The following ABCB5 variants were observed in gnomAD, a reference collection of about 807,000 sequenced individuals.
ABCB5 encodes the protein ATP-binding cassette sub-family B member 5.
In ABCB5, 155 loss-of-function variants were observed where a neutral mutation model predicts 144.2. The observed-to-expected ratio is 1.08, with a 90% CI of 0.94 to 1.23. The LOEUF (loss-of-function observed/expected upper bound fraction) is 1.23. ABCB5 is among the 50% of genes most tolerant of loss of function. ABCB5 has a pLI of 0.00. For missense variants in ABCB5, 1,830 were observed against 1,520.8 expected (o/e 1.20, Z -3.38); for synonymous variants, 610 against 528.6 (o/e 1.15, Z -2.11).
chr7:20,752,780 A>T (rs1782971337), intron 26 of ABCB5, among the ~76,000 whole-genome samples: 1 of 152,212 alleles, frequency 6.6e-6, no homozygotes, highest in African/African-American at 2.4e-5. Flanking sequence ...CGGGAGGCGG[A>T]GGTTGCAGTG....
intron 26 of ABCB5, among the ~76,000 whole-genome samples, chr7:20,749,214 CT>C (rs1159334086): frequency 1.4e-5 from 2 of 138,236 alleles, no homozygotes; most frequent in East Asian, 2.2e-4. Context: ...CCCTCCCTCC[CT>C]CCCCCTCTCT....
In ABCB5 at chr7:20,674,137, A is replaced by T. The variant is rs897171723; in HGVS notation, c.1708-7368A>T. Among the ~76,000 whole-genome samples, 4 of 152,100 alleles carry T rather than the reference A, an allele frequency of 2.6e-5. No homozygotes were observed. In the South Asian group the frequency reaches 6.2e-4, roughly 24 times the overall value. ...AACTCCATGCCACATTGTAACTTTT[A>T]AAATTAATCATTAGTTTTTAAAAAA... is the stretch of plus-strand genomic sequence containing the variant. On this transcript the variant is annotated intron_variant, in intron 14 of 27. Coordinates refer to ENST00000404938, the MANE Select transcript of ABCB5 (RefSeq NM_001163941.2).
chr7:20,755,467 C>T lies in ABCB5; in HGVS notation c.3617C>T (p.Thr1206Ile). The T allele has an allele frequency of 1.2e-6, 2 of 1,614,178 alleles. No homozygotes were observed. The highest frequency in any genetic ancestry group is 1.7e-6 in the Non-Finnish European group (2 of 1,180,036). The change falls in exon 28 of 28, where the codon ACA becomes ATA. Residue 1206 changes from threonine (T) to isoleucine (I), a missense_variant. By Grantham distance (89) the Thr-to-Ile change is moderately conservative (BLOSUM62 -1). Coordinates refer to ENST00000404938, the MANE Select transcript of ABCB5 (RefSeq NM_001163941.2). ...CTTGATAAAGCCAGGACGGGAAGGA[C>T]ATGCCTAGTGGTCACTCACAGGCTC... ...HALDKARTGR[T>I]CLVVTHRLSA...
intron 23 of ABCB5, among the ~76,000 whole-genome samples, chr7:20,728,710 C>T (rs755080132): frequency 2.6e-5 from 4 of 152,096 alleles, no homozygotes; most frequent in Non-Finnish European, 4.4e-5. Flanking sequence ...GCTGAGATCA[C>T]GCCACTGCAC....
chr7:20,623,145 G>C (rs1312345876), intron 1 of ABCB5, 120 bp from the exon 2 acceptor site: 1 of 659,866 alleles, frequency 1.5e-6, no homozygotes, highest in Non-Finnish European at 2.6e-6. Context: ...TGGGCAGGGC[G>C]AAATTCTGAG....
chr7:20,707,797 A>ATTTT (rs1211525231), intron 20 of ABCB5, among the ~76,000 whole-genome samples: 1 of 99,082 alleles, frequency 1.0e-5, no homozygotes, highest in Non-Finnish European at 2.1e-5. Context: ...TGGTAACCTC[A>ATTTT]TTTCTTTTTT....
chr7:20,722,936 T>C, intron 20 of ABCB5, 80 bp from the exon 21 acceptor site: 3 of 1,268,534 alleles, frequency 2.4e-6, no homozygotes, highest in Non-Finnish European at 3.4e-6. Context: ...GTCTACCTTG[T>C]TTTGCAAGGA....
At chr7:20,711,854 T>TCCC (rs1787073866) in intron 20 of ABCB5, among the ~76,000 whole-genome samples, 3 of 75,214 alleles carry the variant, frequency 4.0e-5, no homozygotes, top group African/African-American at 1.7e-4. Context: ...CTTTTCTTTC[T>TCCC]TTCTTTCCTT....
intron 1 of ABCB5, among the ~76,000 whole-genome samples, chr7:20,618,759 A>ATTTTTTTTTTTTTTT: frequency 2.2e-5 from 1 of 45,290 alleles, no homozygotes; most frequent in Non-Finnish European, 4.8e-5. Context: ...TATGTGCTGC[A>ATTTTTTTTTTTTTTT]TTTTCTTTTT....
rs113449905 is a variant in ABCB5 at position 20,685,770 on chromosome 7, G to A, written c.1944G>A (p.Leu648=). The change falls in exon 16 of 28, where the codon CTG becomes CTA. Residue 648 remains leucine, a synonymous_variant. Coordinates refer to ENST00000404938, the MANE Select transcript of ABCB5 (RefSeq NM_001163941.2). ...STERKTNSLP[L]HSVKSIKSDF... is the part of the protein sequence containing the mutation. ...AAAGAAAGACCAACTCACTTCCTCT[G>A]CACTCTGTGAAGAGCATCAAGTCAG... 271 of 1,612,972 alleles carry A rather than the reference G, an allele frequency of 1.7e-4. No homozygotes were observed. The African/African-American group carries it at 2.7e-3, about 16-fold the overall frequency.
At chr7:20,740,687 C>A (rs1257493340) in intron 24 of ABCB5, among the ~76,000 whole-genome samples, 4 of 152,066 alleles carry the variant, frequency 2.6e-5, no homozygotes, top group Admixed American at 2.6e-4. Flanking sequence ...GATCTATGTC[C>A]TTACAGAACC....
At chr7:20,678,928 A>G (rs1261029080) in intron 14 of ABCB5, among the ~76,000 whole-genome samples, 2 of 152,194 alleles carry the variant, frequency 1.3e-5, no homozygotes, top group African/African-American at 4.8e-5. Flanking sequence ...CTCTATGGGG[A>G]AAATGTACAT....
At chr7:20,618,333 A>G (rs566508509) in intron 1 of ABCB5, among the ~76,000 whole-genome samples, 5 of 152,342 alleles carry the variant, frequency 3.3e-5, no homozygotes, top group Non-Finnish European at 5.9e-5. Context: ...TGTACTTACC[A>G]TAATACTTTC....
Position 20,658,560 on chromosome 7 carries a change from C to T in ABCB5, c.1591C>T (p.Gln531Ter), listed in dbSNP as rs751072902. ...KGAQMSGGQK[Q>*]RIAIARALVR... is the part of the protein sequence containing the mutation. ...AGCTCAAATGAGTGGAGGGCAGAAACAGAGGATCGCAATTGCTCGTGCCTT... is the reference window on the plus strand; with the variant it reads ...AGCTCAAATGAGTGGAGGGCAGAAATAGAGGATCGCAATTGCTCGTGCCTT... Residue 531 changes from glutamine (Q) to a stop codon, truncating the protein, a stop_gained, in exon 14 of 28, where the codon CAG becomes TAG. Transcript: ENST00000404938. LOFTEE classifies it high-confidence loss of function. 2 of 1,613,994 alleles carry T rather than the reference C, an allele frequency of 1.2e-6. No homozygotes were observed. Among genetic ancestry groups the T allele is most frequent in the South Asian group, 2.2e-5 (2 of 91,082 alleles).
chr7:20,634,242 G>A (rs1472512423), intron 5 of ABCB5, among the ~76,000 whole-genome samples: 1 of 147,214 alleles, frequency 6.8e-6, no homozygotes, highest in East Asian at 2.0e-4. Context: ...TCCATGTTGT[G>A]TGTGTGTGTG....
chr7:20,739,177 T>G, intron 24 of ABCB5, 38 bp downstream of exon 24: 1 of 1,520,062 alleles, frequency 6.6e-7, no homozygotes, highest in Non-Finnish European at 8.8e-7. Context: ...CAAATAAAGA[T>G]GGCAACAGTA....
At chr7:20,651,834 T>C in intron 13 of ABCB5, 1 of 546,106 alleles carries the variant, frequency 1.8e-6, no homozygotes, top group Non-Finnish European at 3.2e-6. Flanking sequence ...CATTATGAGA[T>C]TTTTTTGTGA....
At chr7:20,731,542 A>G (rs934598540) in intron 23 of ABCB5, among the ~76,000 whole-genome samples, 2 of 151,958 alleles carry the variant, frequency 1.3e-5, no homozygotes, top group Non-Finnish European at 2.9e-5. Flanking sequence ...TTCCTTCTGT[A>G]TATTTCCAAC....
At chr7:20,633,798 T>C (rs1784091497) in intron 5 of ABCB5, among the ~76,000 whole-genome samples, 1 of 152,120 alleles carries the variant, frequency 6.6e-6, no homozygotes, top group Non-Finnish European at 1.5e-5. Context: ...GTCTCTAGTA[T>C]CCTCTGTTCT....
Sources: allele counts gnomAD v4.1 joint callset (sites outside exome capture counted in the v4.1 genomes callset), GRCh38; gene constraint gnomAD v4.1.1; transcripts MANE v1.5; gene names NCBI Gene and HGNC (gene_info 2026-07-23, HGNC 2026-07-21).